Variants in ENOX2 observed in about 807,000 individuals in gnomAD.
ENOX2 encodes ecto-NOX disulfide-thiol exchanger 2, also known as APK1 antigen.
In ENOX2, 36 loss-of-function variants were observed where a neutral mutation model predicts 45.0. The observed-to-expected ratio is 0.80, with a 90% CI of 0.61 to 1.06. ENOX2 has a LOEUF of 1.06. Among genes scored for constraint, ENOX2 ranks in the 50% least tolerant of loss-of-function variants. The pLI is 0.00. For missense variants in ENOX2, 423 were observed against 462.5 expected (o/e 0.91, Z 0.78); for synonymous variants, 174 against 152.3 (o/e 1.14, Z -1.05).
chrX:130,643,341 T>C (rs1342041583), intron 10 of ENOX2, among the ~76,000 whole-genome samples: 1 of 111,078 alleles, frequency 9.0e-6, no homozygotes, highest in Non-Finnish European at 1.9e-5. Context: ...TATCCAACTA[T>C]ATCAATAATC....
intron 2 of ENOX2, among the ~76,000 whole-genome samples, chrX:130,822,390 A>T (rs1255408414): frequency 8.9e-6 from 1 of 112,217 alleles, no homozygotes; most frequent in East Asian, 2.8e-4. Context: ...TACTTTCTTG[A>T]CATGCCAGGC....
At chrX:130,792,172 G>T (rs1009203812) in intron 2 of ENOX2, among the ~76,000 whole-genome samples, 1 of 112,287 alleles carries the variant, frequency 8.9e-6, no homozygotes, top group African/African-American at 3.2e-5. Context: ...AATACTGTAT[G>T]TTCTCACTTA....
intron 2 of ENOX2, among the ~76,000 whole-genome samples, chrX:130,899,481 C>T (rs1399276799): frequency 2.7e-5 from 3 of 112,054 alleles, no homozygotes; most frequent in Non-Finnish European, 5.6e-5. Flanking sequence ...CAGACCGACA[C>T]CCTACAGTGT....
chrX:130,680,471 T>C (rs1218301893), intron 5 of ENOX2, among the ~76,000 whole-genome samples: 1 of 111,593 alleles, frequency 9.0e-6, no homozygotes, highest in Non-Finnish European at 1.9e-5. Flanking sequence ...TGAGATAAAT[T>C]TGGCCATAGA....
At chrX:130,732,828 A>C (rs1258503472) in intron 3 of ENOX2, among the ~76,000 whole-genome samples, 4 of 111,924 alleles carry the variant, frequency 3.6e-5, no homozygotes, top group Non-Finnish European at 3.8e-5. Context: ...ATCCACATGC[A>C]AAAGAGTACA....
At chrX:130,776,043 T>A (rs2039848361) in intron 3 of ENOX2, among the ~76,000 whole-genome samples, 1 of 111,879 alleles carries the variant, frequency 8.9e-6, no homozygotes, top group Non-Finnish European at 1.9e-5. Context: ...TTTCACTACA[T>A]GTCTGAGTGT....
At chrX:130,730,677 T>C (rs1289647918) in intron 3 of ENOX2, among the ~76,000 whole-genome samples, 1 of 100,885 alleles carries the variant, frequency 9.9e-6, no homozygotes, top group Admixed American at 1.1e-4. Context: ...TAGGGAGACA[T>C]AATACATCAA....
chrX:130,902,346 C>G (rs900396410), intron 1 of ENOX2, among the ~76,000 whole-genome samples: 9 of 111,097 alleles, frequency 8.1e-5, no homozygotes, highest in African/African-American at 3.0e-4. Flanking sequence ...TTACTCTCAC[C>G]AGAACCCTGC....
intron 2 of ENOX2, among the ~76,000 whole-genome samples, chrX:130,812,585 A>G (rs750938682): frequency 2.7e-5 from 3 of 112,180 alleles, no homozygotes; most frequent in Non-Finnish European, 5.6e-5. Flanking sequence ...ACCAGAAGAC[A>G]ATGAACAAAA....
At chrX:130,848,974 C>T (rs2078159768) in intron 2 of ENOX2, among the ~76,000 whole-genome samples, 1 of 111,627 alleles carries the variant, frequency 9.0e-6, no homozygotes, top group African/African-American at 3.3e-5. Flanking sequence ...GAAAAGGAAA[C>T]CAACTAAGCC....
At chrX:130,704,651 T>C (rs971299182) in intron 3 of ENOX2, among the ~76,000 whole-genome samples, 9 of 112,311 alleles carry the variant, frequency 8.0e-5, no homozygotes, top group African/African-American at 2.9e-4. Context: ...TTGCCAGGGT[T>C]ATGTATACAT....
chrX:130,897,947 TG>T lies in ENOX2; in HGVS notation c.-183+3736del, dbSNP rs1449163143. Among the ~76,000 whole-genome samples the T allele has an allele frequency of 2.7e-5, 3 of 111,668 alleles. No homozygotes were observed. The South Asian group carries it at 1.1e-3, about 42-fold the overall frequency. On this transcript the variant is annotated intron_variant, in intron 2 of 14. Transcript: ENST00000394363. ...CAGGCTAGAAGTGATGCATGTGTGT[TG>T]GGGGGTGGAAGGTATGCCCCAAAGT...
chrX:130,688,174 GA>G (rs1011796334), intron 5 of ENOX2, among the ~76,000 whole-genome samples: 1 of 111,866 alleles, frequency 8.9e-6, no homozygotes, highest in African/African-American at 3.2e-5. Flanking sequence ...AGTGCATCTG[GA>G]AAAAAAGTTT....
intron 10 of ENOX2, among the ~76,000 whole-genome samples, chrX:130,638,142 C>T (rs1408306257): frequency 6.6e-5 from 7 of 106,449 alleles, no homozygotes; most frequent in Non-Finnish European, 1.4e-4. Flanking sequence ...GATCTTGGCT[C>T]ACTGCAACCT....
chrX:130,815,169 T>C (rs2077459905), intron 2 of ENOX2, among the ~76,000 whole-genome samples: 1 of 111,004 alleles, frequency 9.0e-6, no homozygotes, highest in Admixed American at 9.5e-5. Context: ...ATCAACTTAA[T>C]GAAATAAAGC....
intron 6 of ENOX2, among the ~76,000 whole-genome samples, chrX:130,676,168 T>A (rs1249363815): frequency 9.0e-6 from 1 of 111,626 alleles, no homozygotes; most frequent in Non-Finnish European, 1.9e-5. Context: ...AATGAGAGGA[T>A]GAGATGAAAG....
chrX:130,654,382 A>C lies in ENOX2; in HGVS notation c.1129+2199T>G, dbSNP rs549015635. Among the ~76,000 whole-genome samples, 3 of 110,607 alleles carry C rather than the reference A, an allele frequency of 2.7e-5. No homozygotes were observed. The South Asian group carries it at 1.2e-3, about 43-fold the overall frequency. On this transcript the variant is annotated intron_variant, in intron 10 of 14. Coordinates refer to ENST00000394363, the MANE Select transcript of ENOX2 (RefSeq NM_006375.4). ...GGTTTTACTTTCTTCAGGAAGTAAA[A>C]TCTAACCAGAAACATACCATAGGTT...
At chrX:130,639,721 TAAG>T (rs2036028832) in intron 10 of ENOX2, among the ~76,000 whole-genome samples, 1 of 111,212 alleles carries the variant, frequency 9.0e-6, no homozygotes, top group African/African-American at 3.3e-5. Context: ...AGATGGATAA[TAAG>T]AGCATAAAGA....
intron 5 of ENOX2, among the ~76,000 whole-genome samples, chrX:130,686,351 C>T (rs776610691): frequency 1.8e-5 from 2 of 111,084 alleles, no homozygotes; most frequent in East Asian, 5.7e-4. Context: ...ACCTCATCCC[C>T]ACTCTCTTGT....
Sources: gnomAD v4.1 joint callset for allele counts (sites outside exome capture counted in the v4.1 genomes callset) on GRCh38, gnomAD v4.1.1 for gene constraint, MANE v1.5 for transcripts, NCBI Gene and HGNC (gene_info 2026-07-23, HGNC 2026-07-21) for gene names.